Variants in MYT1L observed in about 807,000 individuals in gnomAD.
The protein encoded by MYT1L is myelin transcription factor 1 like.
Under a neutral mutation model 126.7 loss-of-function variants are expected in MYT1L, and 12 were observed. The observed-to-expected ratio is 0.09, with a 90% confidence interval of 0.06 to 0.15. The LOEUF is 0.15. MYT1L is among the 10% of genes least tolerant of loss of function. The pLI is 1.00. For synonymous variants in MYT1L, 541 were observed against 604.2 expected, an observed-to-expected ratio of 0.90 and a Z score of 1.53; for missense variants, 979 against 1,585.2, an observed-to-expected ratio of 0.62 and a Z score of 6.49.
chr2:2,316,071 G>T (rs1335793695), intron 1 of MYT1L, among the ~76,000 whole-genome samples: 1 of 152,072 alleles, frequency 6.6e-6, no homozygotes, highest in East Asian at 1.9e-4. Flanking sequence ...GAGCCTCCTT[G>T]GTAATAGTGA....
At chr2:1,971,098 T>A (rs1210820063) in intron 8 of MYT1L, among the ~76,000 whole-genome samples, 1 of 152,188 alleles carries the variant, frequency 6.6e-6, no homozygotes, top group East Asian at 1.9e-4. Flanking sequence ...GAGGATCACT[T>A]GAACCCAGGA....
chr2:2,238,025 T>G (rs529898758), intron 2 of MYT1L, among the ~76,000 whole-genome samples: 1 of 152,226 alleles, frequency 6.6e-6, no homozygotes, highest in South Asian at 2.1e-4. Flanking sequence ...CGCGTTATGA[T>G]TCCTCCATAA....
rs775142532 is a variant in MYT1L, at chr2:1,867,103, G to A, written c.2712-15400C>T. Among the ~76,000 whole-genome samples the A allele has an allele frequency of 4.0e-5, 6 of 151,626 alleles. No individual in the cohort carries two copies. In the East Asian group the frequency reaches 7.8e-4, roughly 20 times the overall value. On this transcript the variant is annotated intron_variant, in intron 18 of 24. Coordinates refer to ENST00000647738, the MANE Select transcript of MYT1L (RefSeq NM_001303052.2). Reference sequence around the variant, plus strand: ...AAGGGAGAGAGAGAGAAAGAGAGACGGAGGGAGAGAGACAGAGTCTTGCTC... The same window carrying A: ...AAGGGAGAGAGAGAGAAAGAGAGACAGAGGGAGAGAGACAGAGTCTTGCTC...
intron 18 of MYT1L, among the ~76,000 whole-genome samples, chr2:1,877,017 C>T (rs1203435398): frequency 6.6e-6 from 1 of 152,212 alleles, no homozygotes; most frequent in African/African-American, 2.4e-5. Context: ...GAGAACACCA[C>T]ACAGTCAGTC....
chr2:2,164,693 T>C (rs2088710369), intron 3 of MYT1L, among the ~76,000 whole-genome samples: 3 of 152,218 alleles, frequency 2.0e-5, no homozygotes, highest in African/African-American at 7.2e-5. Context: ...CTTGTGACAT[T>C]CTGCAACGTG....
chr2:1,820,045 C>T (rs532247359), intron 21 of MYT1L, among the ~76,000 whole-genome samples: 4 of 145,396 alleles, frequency 2.8e-5, no homozygotes, highest in Admixed American at 1.4e-4. Flanking sequence ...GGGGGGCCAG[C>T]GAGGAAGCTG....
At chr2:2,105,739 T>C (rs2078668538) in intron 3 of MYT1L, among the ~76,000 whole-genome samples, 1 of 152,138 alleles carries the variant, frequency 6.6e-6, no homozygotes, top group Admixed American at 6.5e-5. Flanking sequence ...GAAGTTGGGG[T>C]TACTCAATGA....
chr2:2,132,069 A>C (rs1407461728), intron 3 of MYT1L, among the ~76,000 whole-genome samples: 1 of 151,662 alleles, frequency 6.6e-6, no homozygotes, highest in Non-Finnish European at 1.5e-5. Flanking sequence ...CACCACGCCC[A>C]GCTAATTTTT....
At chr2:2,063,758 C>T (rs1039527221) in intron 3 of MYT1L, among the ~76,000 whole-genome samples, 2 of 152,060 alleles carry the variant, frequency 1.3e-5, no homozygotes, top group African/African-American at 2.4e-5. Flanking sequence ...GGAGGAGAAT[C>T]GCTTGAACCT....
chr2:2,261,301 T>G (rs924897735), intron 2 of MYT1L, among the ~76,000 whole-genome samples: 2 of 152,248 alleles, frequency 1.3e-5, no homozygotes, highest in Non-Finnish European at 2.9e-5. Flanking sequence ...CTATGTCTTT[T>G]GATATTGTTG....
chr2:2,251,662 C>T (rs1172910453), intron 2 of MYT1L, among the ~76,000 whole-genome samples: 2 of 152,088 alleles, frequency 1.3e-5, no homozygotes, highest in African/African-American at 2.4e-5. Context: ...CTAGGTTATT[C>T]CAAGCTACTA....
chr2:2,002,562 G>A (rs1051538730), intron 4 of MYT1L, among the ~76,000 whole-genome samples: 17 of 152,222 alleles, frequency 1.1e-4, no homozygotes, highest in Non-Finnish European at 2.1e-4. Context: ...GAAGGCCTTC[G>A]GTGGACCAAG....
intron 3 of MYT1L, among the ~76,000 whole-genome samples, chr2:2,139,680 A>G (rs2083651578): frequency 6.6e-6 from 1 of 151,968 alleles, no homozygotes; most frequent in Admixed American, 6.6e-5. Context: ...AAAAAAGTGC[A>G]TGTCCAGGCA....
At chr2:1,878,366 T>C (rs1256380035) in intron 18 of MYT1L, among the ~76,000 whole-genome samples, 2 of 152,228 alleles carry the variant, frequency 1.3e-5, no homozygotes, top group Non-Finnish European at 2.9e-5. Context: ...AGTGGCTTAG[T>C]AGTATAAGCC....
At chr2:2,191,644 G>C (rs2092594535) in intron 2 of MYT1L, among the ~76,000 whole-genome samples, 1 of 152,156 alleles carries the variant, frequency 6.6e-6, no homozygotes, top group African/African-American at 2.4e-5. Context: ...AGGTGGTAGG[G>C]CTTCAGTAAA....
At chr2:1,977,150 A>C (rs2060248486) in intron 8 of MYT1L, among the ~76,000 whole-genome samples, 1 of 152,246 alleles carries the variant, frequency 6.6e-6, no homozygotes, top group South Asian at 2.1e-4. Context: ...AGTTTATTGG[A>C]AACAGCTCTT....
chr2:1,889,886 G>A lies in MYT1L; in HGVS notation c.2284-409C>T, dbSNP rs537824569. ...AATACCTAAGAGATAAAAATTTTGT[G>A]TGTATGCATGTGTGCATATACATGT... On this transcript the variant is annotated intron_variant, in intron 15 of 24. Coordinates refer to ENST00000647738, the MANE Select transcript of MYT1L (RefSeq NM_001303052.2). The surrounding 1 kb of genome is among the most constrained non-coding windows in gnomAD (Gnocchi z 4.1). 1.3e-5 allele frequency among the ~76,000 whole-genome samples: 2 copies of A among 152,186 alleles called. No individual in the cohort carries two copies. Among genetic ancestry groups the A allele is most frequent in the African/African-American group, 2.4e-5 (1 of 41,518 alleles).
chr2:1,881,945 G>A (rs1365498100), intron 18 of MYT1L, among the ~76,000 whole-genome samples: 1 of 152,114 alleles, frequency 6.6e-6, no homozygotes, highest in Non-Finnish European at 1.5e-5. Flanking sequence ...CTGATTTTGA[G>A]GAGCAGGCAT....
At chr2:1,992,528 G>C (rs1467987262) in intron 5 of MYT1L, among the ~76,000 whole-genome samples, 1 of 152,114 alleles carries the variant, frequency 6.6e-6, no homozygotes, top group Non-Finnish European at 1.5e-5. Context: ...AACCCAGAGT[G>C]GTTCTCTGCT....
Sources: allele counts gnomAD v4.1 joint callset (sites outside exome capture counted in the v4.1 genomes callset), GRCh38; gene constraint gnomAD v4.1.1; non-coding constraint Gnocchi (gnomAD v3.1); transcripts MANE v1.5; gene names NCBI Gene and HGNC (gene_info 2026-07-23, HGNC 2026-07-21).